TMEM170B: variants seen among roughly 807,000 people sequenced by gnomAD.
TMEM170B encodes the protein transmembrane protein 170B.
TMEM170B carries 6 observed loss-of-function variants against 13.0 expected under a neutral mutation model. The observed-to-expected ratio is 0.46, with a 90% confidence interval of 0.25 to 0.91. The LOEUF is 0.91. Ranked by LOEUF, TMEM170B falls within the 40% of genes least tolerant of loss-of-function variation. The pLI is 0.17. For synonymous variants in TMEM170B, 61 were observed against 64.9 expected, an observed-to-expected ratio of 0.94 and a Z score of 0.29; for missense variants, 138 against 165.2, an observed-to-expected ratio of 0.84 and a Z score of 0.90.
chr6:11,570,139 T>A (rs1393439887), intron 2 of TMEM170B, among the ~76,000 whole-genome samples: 1 of 152,174 alleles, frequency 6.6e-6, no homozygotes, highest in Non-Finnish European at 1.5e-5. Flanking sequence ...CCCAAGAACA[T>A]GTAGTGTAGC....
chr6:11,573,835 A>G (rs185555531), intron 2 of TMEM170B, among the ~76,000 whole-genome samples: 1 of 152,296 alleles, frequency 6.6e-6, no homozygotes, highest in Non-Finnish European at 1.5e-5. Flanking sequence ...TTATTTTAAC[A>G]TAATTTCTGA....
chr6:11,571,009 C>A (rs1183536028), intron 2 of TMEM170B, among the ~76,000 whole-genome samples: 1 of 151,988 alleles, frequency 6.6e-6, no homozygotes, highest in Non-Finnish European at 1.5e-5. Flanking sequence ...GTGGGTGGGC[C>A]AGATTTGTGG....
chr6:11,545,447 C>G (rs906598483), intron 1 of TMEM170B, among the ~76,000 whole-genome samples: 1 of 152,010 alleles, frequency 6.6e-6, no homozygotes, highest in African/African-American at 2.4e-5. Context: ...ATGTAACTTT[C>G]CAGTCAAAGA....
At position 11,577,975 on chromosome 6, in the gene TMEM170B, A is replaced by G. The variant is rs1215158820; in HGVS notation, c.*2414A>G. 1 of 152,122 alleles carries G rather than the reference A, an allele frequency of 6.6e-6. No individual in the cohort carries two copies. The highest frequency in any genetic ancestry group is 1.5e-5 in the Non-Finnish European group (1 of 67,980). The allele number at this position is 152,122 out of a possible 1,614,324, so 9.4% of individuals were successfully genotyped here. On this transcript the variant is annotated 3_prime_UTR_variant, in exon 3 of 3. Transcript: ENST00000379426. ...GCTATTTATATGCTGAAATTTTTAA[A>G]AAGTTAGTAGCTTTCCTATAGACAC...
intron 1 of TMEM170B, among the ~76,000 whole-genome samples, chr6:11,560,874 CA>C (rs1461498991): frequency 6.6e-6 from 1 of 152,148 alleles, no homozygotes; most frequent in Admixed American, 6.5e-5. Flanking sequence ...ATTCATTTCT[CA>C]TAAATAATGT....
intron 2 of TMEM170B, among the ~76,000 whole-genome samples, chr6:11,572,935 T>C (rs1759824678): frequency 6.6e-6 from 1 of 152,174 alleles, no homozygotes; most frequent in African/African-American, 2.4e-5. Context: ...ATTTTCCTTT[T>C]GAAATTGTAT....
intron 1 of TMEM170B, among the ~76,000 whole-genome samples, chr6:11,547,791 C>A (rs891357765): frequency 1.3e-5 from 2 of 152,048 alleles, no homozygotes; most frequent in Non-Finnish European, 2.9e-5. Context: ...AGTCCAAGGT[C>A]CAGATGACAT....
At chr6:11,553,952 C>T (rs1231023170) in intron 1 of TMEM170B, among the ~76,000 whole-genome samples, 1 of 152,108 alleles carries the variant, frequency 6.6e-6, no homozygotes, top group South Asian at 2.1e-4. Flanking sequence ...CTCTTTTAAT[C>T]CCAGTACAGC....
intron 1 of TMEM170B, among the ~76,000 whole-genome samples, chr6:11,551,225 A>G (rs908844605): frequency 6.6e-6 from 1 of 152,232 alleles, no homozygotes; most frequent in South Asian, 2.1e-4. Flanking sequence ...TCACACACAC[A>G]TAGACACAAA....
At chr6:11,572,541 T>A (rs1759818415) in intron 2 of TMEM170B, among the ~76,000 whole-genome samples, 1 of 152,160 alleles carries the variant, frequency 6.6e-6, no homozygotes. Flanking sequence ...AGATGAAAGT[T>A]TCTTGGAATT....
chr6:11,543,120 A>G (rs999192695), intron 1 of TMEM170B, among the ~76,000 whole-genome samples: 1 of 152,120 alleles, frequency 6.6e-6, no homozygotes, highest in African/African-American at 2.4e-5. Context: ...TATTTTTATT[A>G]TGTTTTTCAA....
rs1373892068 is a variant in TMEM170B at position 11,576,922 on chromosome 6, A to G, written c.*1361A>G. 1.3e-5 allele frequency: 2 copies of G among 152,146 alleles called. No individual in the cohort carries two copies. Among genetic ancestry groups the G allele is most frequent in the African/African-American group, 4.8e-5 (2 of 41,450 alleles). 9.4% of individuals were successfully genotyped at this position (152,146 alleles called of 1,614,324 possible). A position where few individuals can be genotyped will look rare whatever the true frequency, so the allele number is the denominator to read the frequency against. On this transcript the variant is annotated 3_prime_UTR_variant, in exon 3 of 3. Transcript: ENST00000379426. ...ATTTTAAGAGGTTCTGGCAATACGT[A>G]ATTGTAAGAGTATAGGAAGTAGGGT...
chr6:11,550,257 G>A (rs535159304), intron 1 of TMEM170B, among the ~76,000 whole-genome samples: 5 of 150,622 alleles, frequency 3.3e-5, no homozygotes, highest in East Asian at 3.9e-4. Context: ...ACTGCAACCT[G>A]TGCCTCCTGA....
chr6:11,565,324 C>A (rs1759719624), intron 1 of TMEM170B, among the ~76,000 whole-genome samples: 1 of 152,066 alleles, frequency 6.6e-6, no homozygotes, highest in Admixed American at 6.5e-5. Flanking sequence ...ATAAAAAATT[C>A]TATTTCAAAC....
intron 1 of TMEM170B, 52 bp from the exon 2 acceptor site, chr6:11,565,614 A>T (rs1759723040): frequency 1.3e-6 from 2 of 1,599,568 alleles, no homozygotes; most frequent in African/African-American, 1.3e-5. Flanking sequence ...GTTAAATTGA[A>T]TTTTCTAAGT....
At position 11,577,049 on chromosome 6, in the gene TMEM170B, A is replaced by G. The variant is rs1211750421; in HGVS notation, c.*1488A>G. On this transcript the variant is annotated 3_prime_UTR_variant, in exon 3 of 3. Coordinates refer to ENST00000379426, the MANE Select transcript of TMEM170B (RefSeq NM_001100829.3). ...AGAATATGAAGTTAAGGATAATCCA[A>G]AAATAACCTGGTAGCCTTGCTGTTT... The G allele has an allele frequency of 1.3e-5, 2 of 152,152 alleles. No individual in the cohort carries two copies. Among genetic ancestry groups the G allele is most frequent in the East Asian group, 1.9e-4 (1 of 5,208 alleles). 9.4% of individuals were successfully genotyped at this position (152,152 alleles called of 1,614,324 possible).
chr6:11,576,392 T>G lies in TMEM170B; in HGVS notation c.*831T>G, dbSNP rs1403867674. On this transcript the variant is annotated 3_prime_UTR_variant, in exon 3 of 3. Coordinates refer to ENST00000379426, the MANE Select transcript of TMEM170B (RefSeq NM_001100829.3). ...TTGAAGATTTTCTTAAAAATTTTTG[T>G]AAGAAAAAAGTCTGAAATGCATGTT... The G allele has an allele frequency of 6.6e-6, 1 of 152,216 alleles. No homozygotes were observed. Among genetic ancestry groups the G allele is most frequent in the Non-Finnish European group, 1.5e-5 (1 of 68,028 alleles). The allele number at this position is 152,216 out of a possible 1,614,324, so 9.4% of individuals were successfully genotyped here.
chr6:11,549,115 G>A (rs904325277), intron 1 of TMEM170B, among the ~76,000 whole-genome samples: 4 of 152,178 alleles, frequency 2.6e-5, no homozygotes, highest in Non-Finnish European at 5.9e-5. Flanking sequence ...GGAGAGCCCA[G>A]AGAGTGTAGC....
chr6:11,558,629 G>A (rs1425289936), intron 1 of TMEM170B, among the ~76,000 whole-genome samples: 1 of 151,910 alleles, frequency 6.6e-6, no homozygotes. Flanking sequence ...CACTCTTATC[G>A]CACCTCCAAC....
Sources: allele counts gnomAD v4.1 joint callset (sites outside exome capture counted in the v4.1 genomes callset), GRCh38; gene constraint gnomAD v4.1.1; transcripts MANE v1.5; gene names NCBI Gene and HGNC (gene_info 2026-07-23, HGNC 2026-07-21).